The following PCDH11X variants were observed in gnomAD, a reference collection of about 807,000 sequenced individuals.
PCDH11X encodes the protein protocadherin-11 X-linked.
PCDH11X carries 18 observed loss-of-function variants against 53.3 expected under a neutral mutation model. The ratio of observed to expected loss-of-function variants is 0.34; its 90% CI spans 0.23 to 0.50. The LOEUF (loss-of-function observed/expected upper bound fraction) is 0.50, where lower values mean the gene tolerates loss of function less well. Among genes scored for constraint, PCDH11X ranks in the 20% least tolerant of loss-of-function variants. The pLI is 0.98. For missense variants in PCDH11X, 570 were observed against 1,032.4 expected (o/e 0.55, Z 6.14); for synonymous variants, 279 against 393.3 (o/e 0.71, Z 3.44).
intron 6 of PCDH11X, among the ~76,000 whole-genome samples, chrX:91,989,774 T>G (rs1421427404): frequency 9.1e-6 from 1 of 110,077 alleles, no homozygotes; most frequent in Non-Finnish European, 1.9e-5. Context: ...AAAATAGATT[T>G]AACTGTATTC....
chrX:92,318,786 A>G (rs1013067777), intron 8 of PCDH11X, among the ~76,000 whole-genome samples: 5 of 111,691 alleles, frequency 4.5e-5, no homozygotes, highest in Admixed American at 9.5e-5. Context: ...AGGTAAAGGC[A>G]AACAATTCTG....
intron 9 of PCDH11X, among the ~76,000 whole-genome samples, chrX:92,407,779 A>T (rs2071553447): frequency 9.0e-6 from 1 of 111,520 alleles, no homozygotes; most frequent in African/African-American, 3.3e-5. Context: ...TGCCTGACAA[A>T]AAGGGTAAAC....
chrX:91,783,653 C>T (rs532521879), intron 1 of PCDH11X, among the ~76,000 whole-genome samples: 4 of 111,480 alleles, frequency 3.6e-5, no homozygotes, highest in African/African-American at 1.3e-4. Flanking sequence ...AGGGGAGGCA[C>T]ATCGACAAAG....
intron 7 of PCDH11X, among the ~76,000 whole-genome samples, chrX:92,214,012 A>G (rs1044359318): frequency 1.8e-5 from 2 of 111,968 alleles, no homozygotes; most frequent in African/African-American, 6.5e-5. Context: ...CTAGCACCCA[A>G]GCAAAACAAA....
At chrX:92,293,247 T>G (rs1485371003) in intron 8 of PCDH11X, among the ~76,000 whole-genome samples, 1 of 111,292 alleles carries the variant, frequency 9.0e-6, no homozygotes, top group African/African-American at 3.3e-5. Context: ...AATATTCCAG[T>G]GTGACTAAAA....
At chrX:92,144,047 C>CT (rs1175114584) in intron 6 of PCDH11X, among the ~76,000 whole-genome samples, 5 of 111,793 alleles carry the variant, frequency 4.5e-5, no homozygotes, top group Admixed American at 9.5e-5. Context: ...CTGTAGCCCC[C>CT]TTTTTTTAGA....
chrX:92,364,632 G>T (rs1311380241), intron 8 of PCDH11X, among the ~76,000 whole-genome samples: 3 of 110,401 alleles, frequency 2.7e-5, no homozygotes, highest in Non-Finnish European at 5.7e-5. Context: ...AGTAATAAAT[G>T]AACCTTAGCT....
At chrX:92,053,866 TC>T (rs2063402158) in intron 6 of PCDH11X, among the ~76,000 whole-genome samples, 1 of 111,812 alleles carries the variant, frequency 8.9e-6, no homozygotes, top group African/African-American at 3.2e-5. Flanking sequence ...ACTGCATCTG[TC>T]CAAGTCTGGT....
At position 92,057,905 on chromosome X, in the gene PCDH11X, C is replaced by T. The variant is rs190302387; in HGVS notation, c.3034-143470C>T. On this transcript the variant is annotated intron_variant, in intron 6 of 10. Transcript: ENST00000682573. ...GAATTGAAATTATTCATTTTAATCA[C>T]GATGATAATAGATTCACAGCCACGT... is the stretch of plus-strand genomic sequence containing the variant. 4.9e-3 allele frequency among the ~76,000 whole-genome samples: 467 copies of T among 95,122 alleles called. 14 individuals are homozygous for T. Among genetic ancestry groups the T allele is most frequent in the African/African-American group, 0.021 (441 of 20,647 alleles). 82.6% of individuals were successfully genotyped at this position (95,122 alleles called of 115,157 possible).
chrX:92,508,282 G>A (rs2074102255), intron 10 of PCDH11X, among the ~76,000 whole-genome samples: 1 of 109,700 alleles, frequency 9.1e-6, no homozygotes, highest in Admixed American at 9.8e-5. Flanking sequence ...GGAAGGCAGT[G>A]GCATGATCTA....
At chrX:91,859,311 G>GT (rs1018947816) in intron 5 of PCDH11X, among the ~76,000 whole-genome samples, 17 of 105,229 alleles carry the variant, frequency 1.6e-4, no homozygotes, top group Admixed American at 3.1e-4. Flanking sequence ...ACTTTTTAAT[G>GT]TTTTTTTTTC....
At chrX:92,376,304 T>A (rs1184359696) in intron 8 of PCDH11X, among the ~76,000 whole-genome samples, 1 of 111,869 alleles carries the variant, frequency 8.9e-6, no homozygotes, top group Non-Finnish European at 1.9e-5. Context: ...TAACATCGAG[T>A]TACTTGTGTT....
intron 6 of PCDH11X, among the ~76,000 whole-genome samples, chrX:92,006,527 C>A (rs2062603469): frequency 9.0e-6 from 1 of 110,974 alleles, no homozygotes; most frequent in Non-Finnish European, 1.9e-5. Flanking sequence ...GTTATCTTGA[C>A]CTTTTTTTGA....
intron 5 of PCDH11X, among the ~76,000 whole-genome samples, chrX:91,864,990 T>G (rs1230070678): frequency 2.7e-5 from 3 of 111,652 alleles, no homozygotes; most frequent in African/African-American, 9.8e-5. Context: ...AGGTTGCATA[T>G]CTCTGTTTAT....
chrX:92,334,629 G>A (rs2069572124), intron 8 of PCDH11X, among the ~76,000 whole-genome samples: 1 of 111,571 alleles, frequency 9.0e-6, no homozygotes, highest in South Asian at 3.8e-4. Context: ...GAAAAGTCAT[G>A]CCATTACAGG....
chrX:92,545,667 C>T (rs1253804259), intron 10 of PCDH11X, among the ~76,000 whole-genome samples: 1 of 111,064 alleles, frequency 9.0e-6, no homozygotes, highest in Non-Finnish European at 1.9e-5. Context: ...TATCAAAGTA[C>T]TGGGGTTACA....
Position 92,506,216 on chromosome X carries a change from C to CTTTTTTTTTTTTT in PCDH11X, c.3367+37904_3367+37916dup, listed in dbSNP as rs1180678297. On this transcript the variant is annotated intron_variant, in intron 10 of 10. Coordinates refer to ENST00000682573, the MANE Select transcript of PCDH11X (RefSeq NM_032968.5). ...ATTTGGATACATTTTCTTTTCTTTTCTTTTTTTTTTTTTTTTTTTTTTGCC... is the reference window on the plus strand; with the variant it reads ...ATTTGGATACATTTTCTTTTCTTTTCTTTTTTTTTTTTTTTTTTTTTTTTTTTTTTTTTTTGCC... 3.7e-4 allele frequency among the ~76,000 whole-genome samples: 15 copies of CTTTTTTTTTTTTT among 40,194 alleles called. 1 individual carries two copies. Among genetic ancestry groups the CTTTTTTTTTTTTT allele is most frequent in the African/African-American group, 4.3e-4 (4 of 9,276 alleles). 34.9% of individuals were successfully genotyped at this position (40,194 alleles called of 115,157 possible).
intron 6 of PCDH11X, among the ~76,000 whole-genome samples, chrX:91,967,186 T>A (rs1315502147): frequency 9.1e-6 from 1 of 110,392 alleles, no homozygotes; most frequent in Non-Finnish European, 1.9e-5. Flanking sequence ...TTTTCTCCCC[T>A]TTTTTTGTCT....
intron 1 of PCDH11X, among the ~76,000 whole-genome samples, chrX:91,791,901 G>A (rs1447545569): frequency 1.4e-4 from 13 of 90,639 alleles, no homozygotes; most frequent in African/African-American, 4.6e-4. Context: ...TCGCTCTGTC[G>A]CCCAGGCTGG....
Sources: gnomAD v4.1 joint callset for allele counts (sites outside exome capture counted in the v4.1 genomes callset) on GRCh38, gnomAD v4.1.1 for gene constraint, MANE v1.5 for transcripts, NCBI Gene and HGNC (gene_info 2026-07-23, HGNC 2026-07-21) for gene names.